SEPTIN8: variants seen among roughly 807,000 people sequenced by gnomAD.
The protein encoded by SEPTIN8 is septin-8.
A neutral mutation model predicts 53.1 loss-of-function variants in SEPTIN8; 22 were observed. The ratio of observed to expected loss-of-function variants is 0.41; its 90% confidence interval spans 0.30 to 0.59. SEPTIN8 has a LOEUF of 0.59. SEPTIN8 is among the 20% of genes least tolerant of loss of function. The pLI is 0.24. For missense variants in SEPTIN8, 536 were observed against 638.7 expected, an observed-to-expected ratio of 0.84 and a Z score of 1.73; for synonymous variants, 228 against 248.4, an observed-to-expected ratio of 0.92 and a Z score of 0.77.
rs772585012 is a variant in SEPTIN8, at chr5:132,758,827, GAAAAAT to G, written c.1286+1969_1286+1974del. The G allele has an allele frequency of 3.0e-4, 477 of 1,613,464 alleles. 3 individuals carry two copies. The highest frequency in any genetic ancestry group is 1.2e-3 in the South Asian group (113 of 91,050). On this transcript the variant is annotated intron_variant, in intron 9 of 9. Transcript: ENST00000378719. ...ATGTAAGTCTGTGCGTGCGTTAACT[GAAAAAT>G]AAAAATAAAACAAACAAAACAAAAA...
chr5:132,763,721 C>A lies in SEPTIN8; in HGVS notation c.519G>T (p.Lys173Asn). The A allele has an allele frequency of 6.2e-7, 1 of 1,614,094 alleles. No individual in the cohort carries two copies. ...SLKSLDLVTM[K>N]KLDSKVNIIP... ...ACAGGGATACCTTGCTGTCTAGTTT[C>A]TTCATGGTCACTAGATCTAGAGACT... Residue 173 changes from lysine (K) to asparagine (N), a missense_variant, in exon 4 of 10, where the codon AAG (lysine) becomes AAT (asparagine). By Grantham distance (94) the Lys-to-Asn change is moderately conservative. Coordinates refer to ENST00000378719, the MANE Select transcript of SEPTIN8 (RefSeq NM_001098811.2).
intron 2 of SEPTIN8, 75 bp from the exon 3 acceptor site, chr5:132,764,494 G>A: frequency 7.8e-7 from 1 of 1,280,048 alleles, no homozygotes; most frequent in Non-Finnish European, 1.1e-6. Flanking sequence ...TGGTGGCTAG[G>A]CCAGGCAGGG....
At chr5:132,766,537 G>T (rs1415983039) in intron 1 of SEPTIN8, among the ~76,000 whole-genome samples, 2 of 152,212 alleles carry the variant, frequency 1.3e-5, no homozygotes, top group African/African-American at 2.4e-5. Context: ...CCCAGGTTCA[G>T]CCCCTCTGGA....
intron 1 of SEPTIN8, among the ~76,000 whole-genome samples, chr5:132,769,117 A>G (rs1756924590): frequency 6.6e-6 from 1 of 152,182 alleles, no homozygotes; most frequent in African/African-American, 2.4e-5. Context: ...ACCATGTGTG[A>G]ACTAAGCCAA....
chr5:132,751,782 G>A lies in SEPTIN8; in HGVS notation c.*234C>T. 1.5e-6 allele frequency: 1 copy of A among 672,612 alleles called. No homozygotes were observed. The highest frequency in any genetic ancestry group is 2.4e-6 in the Non-Finnish European group (1 of 412,308). 41.7% of individuals were successfully genotyped at this position (672,612 alleles called of 1,614,324 possible). The stretch of plus-strand genomic sequence containing the variant: ...TTTTTTTTTTGGTCCCGGAGTGGAA[G>A]CTCAGCTTGGCCACAGGATGGGCAT... On this transcript the variant is annotated 3_prime_UTR_variant, in exon 10 of 10. Transcript: ENST00000378719.
At chr5:132,756,490 A>G in intron 9 of SEPTIN8, 1 of 985,442 alleles carries the variant, frequency 1.0e-6, no homozygotes, top group Non-Finnish European at 1.2e-6. Flanking sequence ...ACAAATGACA[A>G]TGAGAAAAAG....
intron 9 of SEPTIN8, among the ~76,000 whole-genome samples, chr5:132,752,427 G>C (rs1253116836): frequency 1.3e-5 from 2 of 152,220 alleles, no homozygotes; most frequent in African/African-American, 4.8e-5. Flanking sequence ...CTCTGAGAGT[G>C]AGAGAATCTT....
chr5:132,762,795 G>C (rs1164237167), intron 4 of SEPTIN8, 150 bp from the exon 5 acceptor site: 1 of 817,364 alleles, frequency 1.2e-6, no homozygotes, highest in East Asian at 2.5e-5. Flanking sequence ...CCCACGGGCA[G>C]CCATAGTGCA....
chr5:132,766,768 G>A (rs1756646678), intron 1 of SEPTIN8, among the ~76,000 whole-genome samples: 1 of 152,096 alleles, frequency 6.6e-6, no homozygotes, highest in South Asian at 2.1e-4. Context: ...CAGGCTCGGG[G>A]TCAGGAACCG....
intron 3 of SEPTIN8, 54 bp from the exon 4 acceptor site, chr5:132,763,946 G>A: frequency 1.3e-6 from 2 of 1,496,560 alleles, no homozygotes; most frequent in Non-Finnish European, 1.8e-6. Context: ...GGGGCTTGGG[G>A]CTTGGGGGGC....
intron 9 of SEPTIN8, among the ~76,000 whole-genome samples, chr5:132,754,849 G>A (rs1755190958): frequency 6.6e-6 from 1 of 152,134 alleles, no homozygotes; most frequent in African/African-American, 2.4e-5. Context: ...GGCAGGGATT[G>A]GTGAAGGAAT....
At chr5:132,771,736 C>T (rs1256632613) in intron 1 of SEPTIN8, among the ~76,000 whole-genome samples, 2 of 152,172 alleles carry the variant, frequency 1.3e-5, no homozygotes, top group South Asian at 2.1e-4. Flanking sequence ...CCCGTGGTCG[C>T]GGTCATAAGC....
chr5:132,751,867 A>ATGT lies in SEPTIN8; in HGVS notation c.*146_*148dup. 7.3e-7 allele frequency: 1 copy of ATGT among 1,377,332 alleles called. No homozygotes were observed. The highest frequency in any genetic ancestry group is 9.9e-7 in the Non-Finnish European group (1 of 1,009,652). The allele number at this position is 1,377,332 out of a possible 1,614,324, so 85.3% of individuals were successfully genotyped here. A position where few individuals can be genotyped will look rare whatever the true frequency, so the allele number is the denominator to read the frequency against. On this transcript the variant is annotated 3_prime_UTR_variant, in exon 10 of 10. Transcript: ENST00000378719. ...AATGAAAAGGGTTGGGCAACATTTGATGTTCCCTGATGGAAATTTAAATTG... is the reference window on the plus strand; with the variant it reads ...AATGAAAAGGGTTGGGCAACATTTGATGTTGTTCCCTGATGGAAATTTAAATTG...
intron 2 of SEPTIN8, among the ~76,000 whole-genome samples, chr5:132,764,972 C>T (rs772571629): frequency 6.6e-6 from 1 of 151,850 alleles, no homozygotes; most frequent in African/African-American, 2.4e-5. Flanking sequence ...AGGGAACCTC[C>T]GAGAGCCTCT....
At chr5:132,777,563 G>T (rs563323523), upstream of SEPTIN8, 1,600 of 971,880 alleles carry the variant, frequency 1.6e-3, 3 homozygotes, top group South Asian at 2.0e-3. The surrounding 1 kb of genome is among the most constrained non-coding windows in gnomAD (Gnocchi z 4.1). Context: ...GGGTCCGCGC[G>T]CTGGAAAGCC....
intron 2 of SEPTIN8, 83 bp downstream of exon 2, chr5:132,765,326 C>A (rs1756470211): frequency 2.0e-6 from 3 of 1,521,910 alleles, no homozygotes; most frequent in African/African-American, 1.4e-5. Context: ...AGCCCCCTTG[C>A]AGCTCAACAG....
intron 1 of SEPTIN8, among the ~76,000 whole-genome samples, chr5:132,769,759 T>A (rs887189549): frequency 2.0e-5 from 3 of 151,396 alleles, no homozygotes; most frequent in Admixed American, 2.0e-4. Flanking sequence ...ACACTTCTAG[T>A]CACATCACTC....
chr5:132,755,738 C>T (rs1447397574), intron 9 of SEPTIN8, among the ~76,000 whole-genome samples: 4 of 152,182 alleles, frequency 2.6e-5, no homozygotes, highest in African/African-American at 9.7e-5. Flanking sequence ...ACCCAGTTAA[C>T]CAATAAAGAT....
chr5:132,763,878 A>T lies in SEPTIN8; in HGVS notation c.362T>A (p.Val121Asp). The T allele has an allele frequency of 6.3e-7, 1 of 1,576,390 alleles. No individual in the cohort carries two copies. The highest frequency in any genetic ancestry group is 8.6e-7 in the Non-Finnish European group (1 of 1,159,742). ...INKDESYRPI[V>D]DYIDAQFENY... Reference sequence around the variant, plus strand: ...TTCAAACTGCGCATCGATGTAGTCAACTATGGGCCTGTAACTACAGACAGC... The same window carrying T: ...TTCAAACTGCGCATCGATGTAGTCATCTATGGGCCTGTAACTACAGACAGC... The change falls in exon 4 of 10, where the codon GTT (valine) becomes GAT (aspartate). Residue 121 changes from valine to aspartate, a missense_variant. Transcript: ENST00000378719.
Sources: allele counts gnomAD v4.1 joint callset (sites outside exome capture counted in the v4.1 genomes callset), GRCh38; gene constraint gnomAD v4.1.1; non-coding constraint Gnocchi (gnomAD v3.1); transcripts MANE v1.5; gene names NCBI Gene and HGNC (gene_info 2026-07-23, HGNC 2026-07-21).